The following GPHN variants were observed in gnomAD, a reference collection of about 807,000 sequenced individuals.
GPHN encodes gephyrin.
In GPHN, 17 loss-of-function variants were observed where a neutral mutation model predicts 95.5. That is an observed-to-expected ratio of 0.18 (90% CI 0.12 to 0.27). The LOEUF (loss-of-function observed/expected upper bound fraction) is 0.27. Among genes scored for constraint, GPHN ranks in the 10% least tolerant of loss-of-function variants. The probability of loss-of-function intolerance (pLI) is 1.00; values close to 1 mark genes in which losing one functional copy is unlikely to be tolerated. For missense variants in GPHN, 660 were observed against 978.1 expected (o/e 0.67, Z 4.34); for synonymous variants, 320 against 322.5 (o/e 0.99, Z 0.08).
At chr14:67,700,811 G>A in the GPHN span, among the ~76,000 whole-genome samples, 1 of 151,758 alleles carries the variant, frequency 6.6e-6, no homozygotes, top group Admixed American at 6.6e-5. Context: ...GATCAGCTGA[G>A]GTCAGGAGTT....
At chr14:67,108,308 C>G (rs1340137493) in intron 13 of GPHN, among the ~76,000 whole-genome samples, 1 of 152,162 alleles carries the variant, frequency 6.6e-6, no homozygotes, top group African/African-American at 2.4e-5. Flanking sequence ...AATGAAAACT[C>G]TACTTTTCTG....
intron 17 of GPHN, among the ~76,000 whole-genome samples, chr14:67,136,674 G>A (rs1330355879): frequency 2.0e-5 from 3 of 152,164 alleles, no homozygotes; most frequent in Admixed American, 2.0e-4. Context: ...GTAGTTAGCA[G>A]TAGAGATAAA....
the GPHN span, chr14:67,733,867 C>T: frequency 6.4e-7 from 1 of 1,556,668 alleles, no homozygotes; most frequent in South Asian, 1.1e-5. Flanking sequence ...AGAGCTGCAG[C>T]TTTATCAGGC....
the GPHN span, among the ~76,000 whole-genome samples, chr14:67,627,712 ATTGC>A: frequency 6.6e-6 from 1 of 152,234 alleles, no homozygotes; most frequent in African/African-American, 2.4e-5. Context: ...AGGTGGGAAG[ATTGC>A]TTGAGGCCAG....
intron 2 of GPHN, among the ~76,000 whole-genome samples, chr14:66,694,207 G>T (rs2067976508): frequency 6.6e-6 from 1 of 152,054 alleles, no homozygotes; most frequent in Admixed American, 6.5e-5. Context: ...TAATAAAAGA[G>T]GCCTGAGACA....
the GPHN span, among the ~76,000 whole-genome samples, chr14:67,390,467 C>T: frequency 2.0e-5 from 3 of 152,174 alleles, no homozygotes; most frequent in Non-Finnish European, 2.9e-5. Context: ...ATGGAAGAAA[C>T]GGCTCAAGAA....
At chr14:67,663,624 AG>A in the GPHN span, among the ~76,000 whole-genome samples, 3 of 152,214 alleles carry the variant, frequency 2.0e-5, no homozygotes, top group Non-Finnish European at 4.4e-5. Flanking sequence ...CAGTGAGCCA[AG>A]ATTGTGCCAC....
intron 20 of GPHN, 60 bp from the exon 21 acceptor site, chr14:67,168,873 A>G (rs549818757): frequency 2.8e-6 from 3 of 1,065,968 alleles, no homozygotes; most frequent in Admixed American, 1.7e-5. Context: ...ATAGACAGAC[A>G]TAATTATTTG....
intron 12 of GPHN, among the ~76,000 whole-genome samples, chr14:67,092,942 G>C (rs1243693802): frequency 2.0e-5 from 3 of 152,006 alleles, no homozygotes; most frequent in African/African-American, 7.2e-5. Flanking sequence ...ATAGATGTAG[G>C]TGACTATTTT....
intron 3 of GPHN, among the ~76,000 whole-genome samples, chr14:66,806,024 C>G (rs997261927): frequency 5.9e-5 from 9 of 152,228 alleles, no homozygotes; most frequent in Non-Finnish European, 1.0e-4. Flanking sequence ...CCCACCCCTA[C>G]GGCAAACTTC....
At chr14:67,594,824 G>A in the GPHN span, among the ~76,000 whole-genome samples, 683 of 152,270 alleles carry the variant, frequency 4.5e-3, 5 homozygotes, top group African/African-American at 0.016. Flanking sequence ...AAGCATCAGA[G>A]CTTAGCCTAG....
At chr14:66,627,542 G>T (rs1229021127) in intron 1 of GPHN, among the ~76,000 whole-genome samples, 15 of 151,904 alleles carry the variant, frequency 9.9e-5, no homozygotes, top group Non-Finnish European at 2.2e-4. Flanking sequence ...TCATGAATAG[G>T]TGAAAATTTC....
intron 9 of GPHN, among the ~76,000 whole-genome samples, chr14:66,973,937 C>G (rs2070009084): frequency 6.6e-6 from 1 of 152,090 alleles, no homozygotes; most frequent in Non-Finnish European, 1.5e-5. Flanking sequence ...ACATTGCTGG[C>G]CCACCACTGA....
chr14:66,574,819 G>C (rs1482623122), intron 1 of GPHN, among the ~76,000 whole-genome samples: 1 of 152,130 alleles, frequency 6.6e-6, no homozygotes, highest in Non-Finnish European at 1.5e-5. Context: ...CCAGATCTGG[G>C]ATATACTCTC....
intron 1 of GPHN, among the ~76,000 whole-genome samples, chr14:66,520,382 A>T (rs2058427329): frequency 6.6e-6 from 1 of 152,180 alleles, no homozygotes; most frequent in Admixed American, 6.6e-5. Context: ...CTTGAGTTAC[A>T]CAGGATCCTT....
At chr14:67,195,395 T>C in the GPHN span, among the ~76,000 whole-genome samples, 1 of 152,284 alleles carries the variant, frequency 6.6e-6, no homozygotes, top group East Asian at 1.9e-4. Flanking sequence ...AGGAGAATTC[T>C]CAGATGCAAG....
At chr14:66,700,616 C>T (rs1187542012) in intron 2 of GPHN, among the ~76,000 whole-genome samples, 1 of 152,064 alleles carries the variant, frequency 6.6e-6, no homozygotes, top group Non-Finnish European at 1.5e-5. Flanking sequence ...TAGAATAGAA[C>T]AAATATCCAG....
At chr14:67,191,106 C>T in the GPHN span, among the ~76,000 whole-genome samples, 78 of 152,218 alleles carry the variant, frequency 5.1e-4, no homozygotes, top group African/African-American at 1.8e-3. Flanking sequence ...TGGTGGCGGG[C>T]GCCTCTAATC....
At chr14:67,055,689 G>A (rs1362026652) in intron 10 of GPHN, among the ~76,000 whole-genome samples, 1 of 152,226 alleles carries the variant, frequency 6.6e-6, no homozygotes, top group Non-Finnish European at 1.5e-5. Flanking sequence ...TAAAGAAAAT[G>A]TGGTACCTAT....
Sources: allele counts gnomAD v4.1 joint callset (sites outside exome capture counted in the v4.1 genomes callset), GRCh38; gene constraint gnomAD v4.1.1; transcripts MANE v1.5; gene names NCBI Gene and HGNC (gene_info 2026-07-23, HGNC 2026-07-21).